The following SYNE1 variants were observed in gnomAD, a reference collection of about 807,000 sequenced individuals.
SYNE1 encodes spectrin repeat containing nuclear envelope protein 1.
In SYNE1, 616 loss-of-function variants were observed where a neutral mutation model predicts 1,111.0. That is an observed-to-expected ratio of 0.55 (90% CI 0.52 to 0.59). The LOEUF (loss-of-function observed/expected upper bound fraction) is 0.59, where lower values mean the gene tolerates loss of function less well. Ranked by LOEUF, SYNE1 falls within the 20% of genes least tolerant of loss-of-function variation. The pLI is 0.00. For missense variants in SYNE1, 10,006 were observed against 10,417.0 expected (o/e 0.96, Z 1.72); for synonymous variants, 3,855 against 3,825.8 (o/e 1.01, Z -0.28).
chr6:152,381,208 C>T lies in SYNE1; in HGVS notation c.8807G>A (p.Ser2936Asn). The T allele has an allele frequency of 6.2e-7, 1 of 1,614,252 alleles. No individual in the cohort carries two copies. The highest frequency in any genetic ancestry group is 8.5e-7 in the Non-Finnish European group (1 of 1,180,054). ...CAAACAGCTCTGCGTTTGGAATACA[C>T]TGTCTTCCCACTGCTTCCAGTCGGC... The part of the protein sequence containing the change: ...LRADWKQWED[S>N]VFQTQSCLEN... The change falls in exon 56 of 146, where the codon AGT (serine) becomes AAT (asparagine). Residue 2936 changes from serine to asparagine, a missense_variant. Around this residue, in one of 7 missense-constraint regions of SYNE1, gnomAD observed 4,955 missense variants for 5,017.2 expected, o/e 0.99. Transcript: ENST00000367255.
At chr6:152,568,027 T>C (rs1362877738) in intron 3 of SYNE1, among the ~76,000 whole-genome samples, 1 of 151,632 alleles carries the variant, frequency 6.6e-6, no homozygotes, top group Non-Finnish European at 1.5e-5. Context: ...GAAAAAAAAA[T>C]CATTGAGAAC....
At chr6:152,369,719 ACG>A (rs967265715) in intron 59 of SYNE1, 105 bp from the exon 60 acceptor site, 67 of 1,384,446 alleles carry the variant, frequency 4.8e-5, no homozygotes, top group Non-Finnish European at 6.7e-5. Context: ...ACAGTGGCTC[ACG>A]CCTGTAATCC....
chr6:152,463,514 A>C lies in SYNE1; in HGVS notation c.1936T>G (p.Phe646Val). 6.2e-7 allele frequency: 1 copy of C among 1,612,178 alleles called. No individual in the cohort carries two copies. The highest frequency in any genetic ancestry group is 8.5e-7 in the Non-Finnish European group (1 of 1,178,674). ...ATCCAATGAGGTAAATTTCGAAAAA[A>C]ATCCTAAACAATAAATAATGCACAA... The part of the protein sequence containing the change: ...LNQSENAKKD[F>V]FRNLPHWIQQ... The change falls in exon 19 of 146, where the codon TTT becomes GTT. Residue 646 changes from phenylalanine to valine, a missense_variant. Transcript: ENST00000367255.
At position 152,352,086 on chromosome 6, in the gene SYNE1, C is replaced by T. The variant is rs1323758453; in HGVS notation, c.11521G>A (p.Val3841Ile). ...WIAEYQEILHVPEEPKMELYE... is the reference protein window; with the variant it reads ...WIAEYQEILHIPEEPKMELYE... ...AATTCCATTTTGGGTTCTTCAGGAA[C>T]ATGTAGAATTTCCTGGTATTCTGCT... is the stretch of plus-strand genomic sequence containing the variant. Residue 3841 changes from valine to isoleucine, a missense_variant, in exon 70 of 146, where the codon GTT becomes ATT. Around this residue, in one of 7 missense-constraint regions of SYNE1, gnomAD observed 4,955 missense variants for 5,017.2 expected, o/e 0.99. Transcript: ENST00000367255. The T allele has an allele frequency of 3.1e-6, 5 of 1,614,078 alleles. No individual in the cohort carries two copies. Among genetic ancestry groups the T allele is most frequent in the Non-Finnish European group, 4.2e-6 (5 of 1,180,050 alleles).
In SYNE1 at chr6:152,188,957, C is replaced by CA. The variant is rs1159424311; in HGVS notation, c.23301+294dup. On this transcript the variant is annotated intron_variant, in intron 128 of 145. Coordinates refer to ENST00000367255, the MANE Select transcript of SYNE1 (RefSeq NM_182961.4). ...TGGGCAAAAGAGTGAGACTCTGTCT[C>CA]AAAAAAAAAAAAAAAAAAAAAAAAA... 4.7e-4 allele frequency among the ~76,000 whole-genome samples: 23 copies of CA among 49,084 alleles called. 1 individual carries two copies. Among genetic ancestry groups the CA allele is most frequent in the East Asian group, 1.9e-3 (2 of 1,046 alleles). 32.2% of individuals were successfully genotyped at this position (49,084 alleles called of 152,430 possible).
At chr6:152,577,779 TG>T (rs1242776201) in intron 3 of SYNE1, among the ~76,000 whole-genome samples, 2 of 135,636 alleles carry the variant, frequency 1.5e-5, no homozygotes, top group Admixed American at 1.5e-4. Context: ...TTTTCTGTTT[TG>T]TTTTTTTTTT....
rs1026492508 is a variant in SYNE1 at position 152,455,792 on chromosome 6, C to T, written c.2727+94G>A. On this transcript the variant is annotated intron_variant, in intron 23 of 145. Coordinates refer to ENST00000367255, the MANE Select transcript of SYNE1 (RefSeq NM_182961.4). ...GGCTTCCAAACACCAGCAGGTAAGG[C>T]GTTTTAGCAAGACCAAAAGCACGAG... 58 of 1,549,834 alleles carry T rather than the reference C, an allele frequency of 3.7e-5. No homozygotes were observed. In the African/African-American group the frequency reaches 5.3e-4, roughly 14 times the overall value.
Position 152,213,550 on chromosome 6 carries a change from C to T in SYNE1, c.22494+62G>A, listed in dbSNP as rs550875681. ...ATTTTAATTCTCCCACACAGCATTT[C>T]GTAGCATCTTCTAAGGGCCTAAAAA... On this transcript the variant is annotated intron_variant, in intron 123 of 145. Coordinates refer to ENST00000367255, the MANE Select transcript of SYNE1 (RefSeq NM_182961.4). 7.7e-5 allele frequency: 120 copies of T among 1,568,606 alleles called. 1 individual carries two copies. Among genetic ancestry groups the T allele is most frequent in the African/African-American group, 6.6e-4 (49 of 74,100 alleles).
chr6:152,164,110 A>T, intron 131 of SYNE1, 53 bp downstream of exon 131: 35 of 1,609,224 alleles, frequency 2.2e-5, no homozygotes, highest in Non-Finnish European at 3.0e-5. Context: ...CATCCTGGCC[A>T]GGAGGACAGA....
chr6:152,489,786 T>C (rs1358809211), intron 11 of SYNE1, among the ~76,000 whole-genome samples: 1 of 152,164 alleles, frequency 6.6e-6, no homozygotes, highest in African/African-American at 2.4e-5. Context: ...CCTATGCCAG[T>C]GGTTCTCTCA....
At chr6:152,433,162 AAG>A (rs1479934819) in intron 34 of SYNE1, among the ~76,000 whole-genome samples, 1 of 152,102 alleles carries the variant, frequency 6.6e-6, no homozygotes. Flanking sequence ...GTATAAAAGA[AAG>A]AGAAATAAAC....
chr6:152,502,828 C>A, intron 9 of SYNE1, 86 bp from the exon 10 acceptor site: 1 of 1,037,046 alleles, frequency 9.6e-7, no homozygotes. Flanking sequence ...GCTATCACAC[C>A]AAAAACGCTA....
chr6:152,303,098 C>CTTTTTTTT (rs71017533), intron 91 of SYNE1, among the ~76,000 whole-genome samples: 15 of 107,062 alleles, frequency 1.4e-4, no homozygotes, highest in South Asian at 3.2e-4. Context: ...AACTATTATT[C>CTTTTTTTT]TTTTTTTTTT....
chr6:152,176,369 C>T (rs1227950017), intron 130 of SYNE1, 25 bp downstream of exon 130: 5 of 1,613,772 alleles, frequency 3.1e-6, no homozygotes, highest in Non-Finnish European at 2.5e-6. Flanking sequence ...CCCACACGTG[C>T]CCTATTGACT....
chr6:152,502,195 A>C (rs927736403), intron 10 of SYNE1, among the ~76,000 whole-genome samples: 1 of 151,998 alleles, frequency 6.6e-6, no homozygotes, highest in Non-Finnish European at 1.5e-5. Flanking sequence ...TAGAACTTTT[A>C]CAAATTGCGT....
chr6:152,156,078 T>C lies in SYNE1; in HGVS notation c.23810A>G (p.Glu7937Gly), dbSNP rs367860839. 6.2e-7 allele frequency: 1 copy of C among 1,614,200 alleles called. No individual in the cohort carries two copies. The highest frequency in any genetic ancestry group is 8.5e-7 in the Non-Finnish European group (1 of 1,180,022). ...AGATGCAACACCTGTACTGTGCTTC[T>C]CTATGTCTCTCTGAAGCTCCTGCAG... ...NEQQELQRDI[E>G]KHSTGVASVL... is the part of the protein sequence containing the mutation. The change falls in exon 132 of 146, where the codon GAG becomes GGG. Residue 7937 changes from glutamate (E) to glycine (G), a missense_variant. Transcript: ENST00000367255.
At chr6:152,349,706 C>T (rs982555131) in intron 72 of SYNE1, among the ~76,000 whole-genome samples, 1 of 152,202 alleles carries the variant, frequency 6.6e-6, no homozygotes, top group Admixed American at 6.5e-5. Context: ...TGTCTCCCCA[C>T]CCAAATCTCA....
In SYNE1 at chr6:152,543,883, T is replaced by C. The variant is rs577097161; in HGVS notation, c.68-3862A>G. On this transcript the variant is annotated intron_variant, in intron 3 of 145. Transcript: ENST00000367255. ...AGCCTAGGAGTAATAGGCTATATCA[T>C]GTAGCCTAGATGTGTAATAGTCTAT... is the stretch of plus-strand genomic sequence containing the variant. Among the ~76,000 whole-genome samples, 24 of 152,358 alleles carry C rather than the reference T, an allele frequency of 1.6e-4. No homozygotes were observed. In the South Asian group the frequency reaches 4.8e-3, roughly 30 times the overall value.
chr6:152,403,960 C>T (rs756035505), intron 46 of SYNE1, among the ~76,000 whole-genome samples: 17 of 151,268 alleles, frequency 1.1e-4, no homozygotes, highest in Non-Finnish European at 2.1e-4. Flanking sequence ...CCACATGTTT[C>T]CTTGGAATTA....
Sources: gnomAD v4.1 joint callset for allele counts (sites outside exome capture counted in the v4.1 genomes callset) on GRCh38, gnomAD v4.1.1 for gene constraint, gnomAD v4.1.1 regional missense constraint, MANE v1.5 for transcripts, NCBI Gene and HGNC (gene_info 2026-07-23, HGNC 2026-07-21) for gene names.